Variants in USP25 observed in about 807,000 individuals in gnomAD.
The protein encoded by USP25 is ubiquitin specific peptidase 25.
In USP25, 85 loss-of-function variants were observed where a neutral mutation model predicts 158.5. The observed-to-expected ratio is 0.54, with a 90% CI of 0.45 to 0.64. USP25 has a LOEUF of 0.64. Ranked by LOEUF, USP25 falls within the 30% of genes least tolerant of loss-of-function variation. The pLI is 0.00. For synonymous variants in USP25, 464 were observed against 460.4 expected, an observed-to-expected ratio of 1.01 and a Z score of -0.10; for missense variants, 1,242 against 1,327.3, an observed-to-expected ratio of 0.94 and a Z score of 1.00.
chr21:15,781,178 C>G (rs1008872188), intron 4 of USP25, among the ~76,000 whole-genome samples: 2 of 152,164 alleles, frequency 1.3e-5, no homozygotes, highest in Admixed American at 1.3e-4. Context: ...TGGCAGGAGC[C>G]ACACCCCATG....
intron 2 of USP25, among the ~76,000 whole-genome samples, chr21:15,765,382 A>G (rs969567953): frequency 6.6e-6 from 1 of 152,118 alleles, no homozygotes; most frequent in African/African-American, 2.4e-5. Context: ...TTATTCAGCT[A>G]TACTTTTGAT....
Position 15,777,942 on chromosome 21 carries a change from C to T in USP25, c.307C>T (p.Gln103Ter), listed in dbSNP as rs1434430164. Residue 103 changes from glutamine (Q) to a stop codon, truncating the protein, a stop_gained, in exon 4 of 26, where the codon CAG becomes TAG. Coordinates refer to ENST00000400183, the MANE Select transcript of USP25 (RefSeq NM_001283041.3). LOFTEE classifies it high-confidence loss of function. ...DLTGDDKDDL[Q>*]RAIALSLAES... ...CACTGGAGATGATAAAGATGATCTTCAGAGAGCAATTGCCTTGAGTTTGGC... is the reference window on the plus strand; with the variant it reads ...CACTGGAGATGATAAAGATGATCTTTAGAGAGCAATTGCCTTGAGTTTGGC... 3 of 1,612,078 alleles carry T rather than the reference C, an allele frequency of 1.9e-6. No individual in the cohort carries two copies. The highest frequency in any genetic ancestry group is 1.7e-5 in the Admixed American group (1 of 59,524).
chr21:15,800,799 A>G (rs2036096244), intron 6 of USP25, among the ~76,000 whole-genome samples: 1 of 151,470 alleles, frequency 6.6e-6, no homozygotes, highest in Non-Finnish European at 1.5e-5. Flanking sequence ...TTAGCGTTTA[A>G]TTTTTAAAAC....
At position 15,730,323 on chromosome 21, in the gene USP25, G is replaced by T; in HGVS notation, c.-71G>T. 1 of 1,051,372 alleles carries T rather than the reference G, an allele frequency of 9.5e-7. No homozygotes were observed. The highest frequency in any genetic ancestry group is 1.1e-6 in the Non-Finnish European group (1 of 873,898). 65.1% of individuals were successfully genotyped at this position (1,051,372 alleles called of 1,614,324 possible). A position where few individuals can be genotyped will look rare whatever the true frequency, so the allele number is the denominator to read the frequency against. ...GCTCCCTGGAGCTCGGCGGAGCGCG[G>T]CAGCCAGGGCCGGCGGAGGCGCGAG... is the stretch of plus-strand genomic sequence containing the variant. On this transcript the variant is annotated 5_prime_UTR_variant, in exon 1 of 26. Coordinates refer to ENST00000400183, the MANE Select transcript of USP25 (RefSeq NM_001283041.3).
chr21:15,869,338 C>G (rs868254823), intron 22 of USP25, among the ~76,000 whole-genome samples: 12 of 151,642 alleles, frequency 7.9e-5, no homozygotes, highest in African/African-American at 2.4e-4. Context: ...TATATAAAAG[C>G]CTTAACACTT....
chr21:15,877,929 A>T lies in USP25; in HGVS notation c.3143A>T (p.Asp1048Val). 6.2e-7 allele frequency: 1 copy of T among 1,613,778 alleles called. No homozygotes were observed. Among genetic ancestry groups the T allele is most frequent in the Non-Finnish European group, 8.5e-7 (1 of 1,179,820 alleles). Residue 1048 changes from aspartate (D) to valine (V), a missense_variant, in exon 25 of 26, where the codon GAT (aspartate) becomes GTT (valine). By Grantham distance (152) the Asp-to-Val change is radical (BLOSUM62 -3). Coordinates refer to ENST00000400183, the MANE Select transcript of USP25 (RefSeq NM_001283041.3). Reference protein sequence around the residue: ...LLLVDEMEEKDILAVEDMRNR... With the variant: ...LLLVDEMEEKVILAVEDMRNR... Reference sequence around the variant, plus strand: ...CTGGTGGATGAAATGGAAGAAAAGGATATACTAGCTGTAGAAGATATGAGA... The same window carrying T: ...CTGGTGGATGAAATGGAAGAAAAGGTTATACTAGCTGTAGAAGATATGAGA...
Position 15,797,779 on chromosome 21 carries a change from G to C in USP25, c.556-1978G>C, listed in dbSNP as rs138191363. ...CTTATCTTTGGTTTCACTTTCTGCT[G>C]TTTCAGTTACCTGCTGTTAATTGTG... is the stretch of plus-strand genomic sequence containing the variant. On this transcript the variant is annotated intron_variant, in intron 5 of 25. Coordinates refer to ENST00000400183, the MANE Select transcript of USP25 (RefSeq NM_001283041.3). Among the ~76,000 whole-genome samples, 357 of 151,316 alleles carry C rather than the reference G, an allele frequency of 2.4e-3. 5 individuals carry two copies. Among genetic ancestry groups the C allele is most frequent in the African/African-American group, 8.3e-3 (345 of 41,430 alleles).
intron 14 of USP25, among the ~76,000 whole-genome samples, chr21:15,829,355 T>C (rs2037686090): frequency 6.6e-6 from 1 of 152,182 alleles, no homozygotes; most frequent in Non-Finnish European, 1.5e-5. Context: ...TGTTTCCTTA[T>C]GTCCACCATT....
intron 4 of USP25, among the ~76,000 whole-genome samples, chr21:15,786,073 C>T (rs1206399497): frequency 1.3e-5 from 2 of 152,046 alleles, no homozygotes; most frequent in African/African-American, 2.4e-5. Context: ...CTTGAACACA[C>T]ACAACCTACC....
At chr21:15,832,727 A>G (rs557474839) in intron 16 of USP25, among the ~76,000 whole-genome samples, 58 of 152,098 alleles carry the variant, frequency 3.8e-4, no homozygotes, top group African/African-American at 1.3e-3. Flanking sequence ...TAGCAAAGAA[A>G]AAAAAAAATG....
intron 1 of USP25, among the ~76,000 whole-genome samples, chr21:15,749,445 G>T (rs577379703): frequency 6.6e-6 from 1 of 152,098 alleles, no homozygotes; most frequent in Non-Finnish European, 1.5e-5. Flanking sequence ...AGTCATATAT[G>T]TTCATTACTA....
intron 7 of USP25, among the ~76,000 whole-genome samples, chr21:15,807,318 A>C (rs73346759): frequency 0.054 from 8,166 of 152,274 alleles, 690 homozygotes; most frequent in African/African-American, 0.18. Context: ...GATAGGGATT[A>C]ACTTCTGAAA....
intron 3 of USP25, among the ~76,000 whole-genome samples, chr21:15,775,161 T>G (rs1399694815): frequency 6.6e-6 from 1 of 152,198 alleles, no homozygotes; most frequent in East Asian, 1.9e-4. Context: ...TAAAATATAT[T>G]TGGGGAAAAA....
In USP25 at chr21:15,849,787, C is replaced by G. The variant is rs2038799008; in HGVS notation, c.2462C>G (p.Thr821Arg). 1 of 1,535,210 alleles carries G rather than the reference C, an allele frequency of 6.5e-7. No homozygotes were observed. Among genetic ancestry groups the G allele is most frequent in the African/African-American group, 1.4e-5 (1 of 72,394 alleles). ...EGGYDDEIMM[T>R]PNMQGIIMAI... is the part of the protein sequence containing the mutation. Reference sequence around the variant, plus strand: ...TATCTTCTGTGGCAGATCATGATGACACCGAACATGCAAGGTATTATCATG... The same window carrying G: ...TATCTTCTGTGGCAGATCATGATGAGACCGAACATGCAAGGTATTATCATG... The change falls in exon 20 of 26, where the codon ACA becomes AGA. Residue 821 changes from threonine to arginine, a missense_variant. Physicochemically the swap from Thr to Arg is moderately conservative, Grantham distance 71. This residue lies in a region of USP25 where 608 missense variants were observed against 605.2 expected (regional missense o/e 1.00). Coordinates refer to ENST00000400183, the MANE Select transcript of USP25 (RefSeq NM_001283041.3).
In USP25 at chr21:15,816,859, T is replaced by C. The variant is rs2036963334; in HGVS notation, c.932-1839T>C. Among the ~76,000 whole-genome samples, 1 of 152,128 alleles carries C rather than the reference T, an allele frequency of 6.6e-6. No individual in the cohort carries two copies. On this transcript the variant is annotated intron_variant, in intron 9 of 25. Transcript: ENST00000400183. The surrounding 1 kb of genome is among the most constrained non-coding windows in gnomAD (Gnocchi z 4.0). ...TTTTCAGTCCATAATCTGCCAGGCA[T>C]GATGGTTCATGCCTGTAATCCCAGC...
chr21:15,801,262 T>A (rs1269895769), intron 6 of USP25, among the ~76,000 whole-genome samples: 1 of 151,568 alleles, frequency 6.6e-6, no homozygotes, highest in East Asian at 1.9e-4. Context: ...CCATGTTAGT[T>A]TGTATTCTTA....
At chr21:15,734,638 C>G (rs1421984571) in intron 1 of USP25, among the ~76,000 whole-genome samples, 1 of 151,564 alleles carries the variant, frequency 6.6e-6, no homozygotes, top group African/African-American at 2.4e-5. Flanking sequence ...ACTTAATATT[C>G]TGACCTCTTT....
At chr21:15,780,559 A>C (rs1250830737) in intron 4 of USP25, among the ~76,000 whole-genome samples, 2 of 152,204 alleles carry the variant, frequency 1.3e-5, no homozygotes, top group East Asian at 3.9e-4. Flanking sequence ...TCTAGCTAAA[A>C]TTGTTACAAA....
intron 6 of USP25, among the ~76,000 whole-genome samples, chr21:15,801,384 A>G (rs1029434873): frequency 1.3e-5 from 2 of 151,492 alleles, no homozygotes; most frequent in African/African-American, 2.4e-5. Context: ...GTTTCTTGCA[A>G]TGGGTTAGCC....
Sources: gnomAD v4.1 joint callset for allele counts (sites outside exome capture counted in the v4.1 genomes callset) on GRCh38, gnomAD v4.1.1 for gene constraint, gnomAD v4.1.1 regional missense constraint, Gnocchi (gnomAD v3.1) non-coding constraint, MANE v1.5 for transcripts, NCBI Gene and HGNC (gene_info 2026-07-23, HGNC 2026-07-21) for gene names.